SINHCAF: variants seen among roughly 807,000 people sequenced by gnomAD.
The protein encoded by SINHCAF is SIN3-HDAC complex associated factor, also known as SIN3-HDAC complex-associated factor.
A neutral mutation model predicts 25.8 loss-of-function variants in SINHCAF; 3 were observed. That is an observed-to-expected ratio of 0.12 (90% CI 0.05 to 0.30). The LOEUF (loss-of-function observed/expected upper bound fraction) is 0.30, where lower values mean the gene tolerates loss of function less well. SINHCAF is among the 10% of genes least tolerant of loss of function. The pLI is 1.00. For missense variants in SINHCAF, 121 were observed against 262.3 expected (o/e 0.46, Z 3.72); for synonymous variants, 70 against 85.5 (o/e 0.82, Z 1.00).
At chr12:31,311,590 C>CGCA (rs1939271552) in intron 1 of SINHCAF, 1 of 313,126 alleles carries the variant, frequency 3.2e-6, no homozygotes, top group African/African-American at 2.2e-5. Context: ...GAGTGGGTCC[C>CGCA]GCAGCCCCCT....
intron 1 of SINHCAF, chr12:31,304,181 T>G (rs1938932605): frequency 6.6e-6 from 1 of 151,286 alleles, no homozygotes; most frequent in African/African-American, 2.4e-5. Context: ...ATTTACACTA[T>G]GTGCCCATCC....
chr12:31,303,045 T>C lies in SINHCAF; in HGVS notation c.-20-4821A>G, dbSNP rs73076430. On this transcript the variant is annotated intron_variant, in intron 1 of 5. Transcript: ENST00000337682. ...CTACAATATGTTTTCTTAAGGTCCC[T>C]GAAATAGAAAAAAAAAATCATTTCA... 1.4e-3 allele frequency: 1,409 copies of C among 984,908 alleles called. 6 individuals are homozygous for C. The highest frequency in any genetic ancestry group is 9.7e-3 in the African/African-American group (555 of 57,094). 61.0% of individuals were successfully genotyped at this position (984,908 alleles called of 1,614,324 possible).
In SINHCAF at chr12:31,309,893, C is replaced by T. The variant is rs544633265; in HGVS notation, c.-20-11669G>A. Reference sequence around the variant, plus strand: ...TGTTGGTCAGGCTGGTCTCAACCTCCCGAGCTCAGGTGATCCACCTGCCTC... The same window carrying T: ...TGTTGGTCAGGCTGGTCTCAACCTCTCGAGCTCAGGTGATCCACCTGCCTC... On this transcript the variant is annotated intron_variant, in intron 1 of 5. Transcript: ENST00000337682. Among the ~76,000 whole-genome samples the T allele has an allele frequency of 4.6e-5, 7 of 152,148 alleles. 1 individual carries two copies. Among genetic ancestry groups the T allele is most frequent in the African/African-American group, 1.7e-4 (7 of 41,514 alleles).
chr12:31,297,467 A>ATTTTTTTTTTTTTTTTTTTTTT (rs777087270), intron 2 of SINHCAF, among the ~76,000 whole-genome samples: 3 of 103,424 alleles, frequency 2.9e-5, no homozygotes, highest in African/African-American at 7.5e-5. Flanking sequence ...GTCAAGCGTA[A>ATTTTTTTTTTTTTTTTTTTTTT]TTTTTTTTTT....
Position 31,288,629 on chromosome 12 carries a change from C to T in SINHCAF, c.356-845G>A, listed in dbSNP as rs534160986. 6.0e-3 allele frequency among the ~76,000 whole-genome samples: 448 copies of T among 74,214 alleles called. 2 individuals carry two copies. The highest frequency in any genetic ancestry group is 0.036 in the African/African-American group (405 of 11,398). The allele number at this position is 74,214 out of a possible 152,430, so 48.7% of individuals were successfully genotyped here. A position where few individuals can be genotyped will look rare whatever the true frequency, so the allele number is the denominator to read the frequency against. ...GAGAAACTGGAATTCTAACACCTGGCGGTAAGTAATAGGGTGGTGAGGCCC... is the reference window on the plus strand; with the variant it reads ...GAGAAACTGGAATTCTAACACCTGGTGGTAAGTAATAGGGTGGTGAGGCCC... On this transcript the variant is annotated intron_variant, in intron 4 of 5. Coordinates refer to ENST00000337682, the MANE Select transcript of SINHCAF (RefSeq NM_001135812.2).
intron 4 of SINHCAF, among the ~76,000 whole-genome samples, chr12:31,288,048 A>C (rs1452951754): frequency 6.6e-6 from 1 of 152,018 alleles, no homozygotes; most frequent in Admixed American, 6.5e-5. Flanking sequence ...CAAACCTGAG[A>C]CTCCAAAAGG....
At position 31,299,917 on chromosome 12, in the gene SINHCAF, C is replaced by T. The variant is rs537523957; in HGVS notation, c.-20-1693G>A. ...TACAGCGTGTGACGGTACTGAATGC[C>T]GTGGGCAACTGTAATACAATGGTAA... is the stretch of plus-strand genomic sequence containing the variant. On this transcript the variant is annotated intron_variant, in intron 1 of 5. Coordinates refer to ENST00000337682, the MANE Select transcript of SINHCAF (RefSeq NM_001135812.2). Among the ~76,000 whole-genome samples, 6 of 152,202 alleles carry T rather than the reference C, an allele frequency of 3.9e-5. No homozygotes were observed. The South Asian group carries it at 6.2e-4, about 16-fold the overall frequency.
chr12:31,309,285 C>T (rs946230034), intron 1 of SINHCAF, among the ~76,000 whole-genome samples: 8 of 152,114 alleles, frequency 5.3e-5, no homozygotes, highest in Admixed American at 2.0e-4. Flanking sequence ...CCATTTGGTT[C>T]CTTGACAAGG....
intron 1 of SINHCAF, among the ~76,000 whole-genome samples, chr12:31,305,673 T>C (rs2137109791): frequency 6.6e-6 from 1 of 151,384 alleles, no homozygotes; most frequent in Non-Finnish European, 1.5e-5. Flanking sequence ...GTAGGCACAA[T>C]CAAAATACGG....
chr12:31,319,512 A>G (rs1250597871), intron 1 of SINHCAF, among the ~76,000 whole-genome samples: 1 of 152,230 alleles, frequency 6.6e-6, no homozygotes, highest in Admixed American at 6.5e-5. Flanking sequence ...AGGCAACAAG[A>G]GCAAAGCTCA....
Position 31,313,190 on chromosome 12 carries a change from AT to A in SINHCAF, c.-21+12833del, listed in dbSNP as rs545809496. On this transcript the variant is annotated intron_variant, in intron 1 of 5. Coordinates refer to ENST00000337682, the MANE Select transcript of SINHCAF (RefSeq NM_001135812.2). Reference sequence around the variant, plus strand: ...CAGGTACCCGCCACCACGCCCAGCTATTTTTTTTTTGTATTTTTAGTAGAGA... The same window carrying A: ...CAGGTACCCGCCACCACGCCCAGCTATTTTTTTTTGTATTTTTAGTAGAGA... 3.5e-4 allele frequency among the ~76,000 whole-genome samples: 51 copies of A among 147,640 alleles called. No homozygotes were observed. The East Asian group carries it at 7.5e-3, about 22-fold the overall frequency.
chr12:31,312,375 A>T lies in SINHCAF; in HGVS notation c.-21+13649T>A, dbSNP rs539081020. Among the ~76,000 whole-genome samples the T allele has an allele frequency of 1.5e-4, 22 of 146,902 alleles. No individual in the cohort carries two copies. In the East Asian group the frequency reaches 1.7e-3, roughly 12 times the overall value. Reference sequence around the variant, plus strand: ...CGTATTTTGTGTGTGTGTGTGTGTGAGTGTGTGTATTTCTAGGAATAGAAC... The same window carrying T: ...CGTATTTTGTGTGTGTGTGTGTGTGTGTGTGTGTATTTCTAGGAATAGAAC... On this transcript the variant is annotated intron_variant, in intron 1 of 5. Coordinates refer to ENST00000337682, the MANE Select transcript of SINHCAF (RefSeq NM_001135812.2).
In SINHCAF at chr12:31,281,310, A is replaced by T. The variant is rs1181295108; in HGVS notation, c.*1402T>A. ...GTTCAGGATATCTCAATGTTCAGAAAGCCTGACTAAAAGAAGCCAAACCAA... is the reference window on the plus strand; with the variant it reads ...GTTCAGGATATCTCAATGTTCAGAATGCCTGACTAAAAGAAGCCAAACCAA... On this transcript the variant is annotated 3_prime_UTR_variant, in exon 6 of 6. Coordinates refer to ENST00000337682, the MANE Select transcript of SINHCAF (RefSeq NM_001135812.2). 6.6e-6 allele frequency: 1 copy of T among 152,236 alleles called. No individual in the cohort carries two copies. Among genetic ancestry groups the T allele is most frequent in the East Asian group, 1.9e-4 (1 of 5,204 alleles). 9.4% of individuals were successfully genotyped at this position (152,236 alleles called of 1,614,324 possible). A position where few individuals can be genotyped will look rare whatever the true frequency, so the allele number is the denominator to read the frequency against.
chr12:31,287,427 G>A (rs919968862), intron 5 of SINHCAF, among the ~76,000 whole-genome samples: 2 of 152,052 alleles, frequency 1.3e-5, no homozygotes, highest in Non-Finnish European at 1.5e-5. Flanking sequence ...AGGCAATGTA[G>A]GTACCTTGAT....
At position 31,307,745 on chromosome 12, in the gene SINHCAF, A is replaced by C. The variant is rs79798957; in HGVS notation, c.-20-9521T>G. ...CAGTAAGGGAGAGGACCCCATGACT[A>C]TCTCTCCAACAGTTTTATATAGAAG... On this transcript the variant is annotated intron_variant, in intron 1 of 5. Transcript: ENST00000337682. 9.7e-3 allele frequency among the ~76,000 whole-genome samples: 1,476 copies of C among 152,276 alleles called. 28 individuals are homozygous for C. The highest frequency in any genetic ancestry group is 0.034 in the African/African-American group (1,410 of 41,536).
chr12:31,312,999 C>T (rs1415195060), intron 1 of SINHCAF, among the ~76,000 whole-genome samples: 1 of 152,144 alleles, frequency 6.6e-6, no homozygotes, highest in African/African-American at 2.4e-5. Flanking sequence ...ATGTAGATCA[C>T]CCAGCACCAT....
intron 1 of SINHCAF, among the ~76,000 whole-genome samples, chr12:31,312,391 G>A (rs1484545176): frequency 9.1e-6 from 1 of 110,404 alleles, no homozygotes; most frequent in Non-Finnish European, 2.5e-5. Flanking sequence ...TGTATTTCTA[G>A]GAATAGAACT....
rs563625665 is a variant in SINHCAF, at chr12:31,319,804, T to C, written c.-21+6220A>G. ...TCTCTCCCCTTAGCTCTAGGATAAA[T>C]ATGGCCAACTGACCACCAATCCATT... On this transcript the variant is annotated intron_variant, in intron 1 of 5. Coordinates refer to ENST00000337682, the MANE Select transcript of SINHCAF (RefSeq NM_001135812.2). Among the ~76,000 whole-genome samples the C allele has an allele frequency of 1.2e-4, 18 of 152,300 alleles. No individual in the cohort carries two copies. In the South Asian group the frequency reaches 3.7e-3, roughly 32 times the overall value.
At chr12:31,303,025 A>G (rs533313126) in intron 1 of SINHCAF, 6 of 985,138 alleles carry the variant, frequency 6.1e-6, no homozygotes, top group African/African-American at 5.2e-5. Context: ...TCTATCTACA[A>G]TATGTTTTCT....
Sources: gnomAD v4.1 joint callset for allele counts (sites outside exome capture counted in the v4.1 genomes callset) on GRCh38, gnomAD v4.1.1 for gene constraint, MANE v1.5 for transcripts, NCBI Gene and HGNC (gene_info 2026-07-23, HGNC 2026-07-21) for gene names.